Variants in ZBTB20 observed in about 807,000 individuals in gnomAD.
ZBTB20 encodes the protein zinc finger and BTB domain containing 20.
ZBTB20 carries 9 observed loss-of-function variants against 56.9 expected under a neutral mutation model. That is an observed-to-expected ratio of 0.16 (90% CI 0.10 to 0.28). The LOEUF is 0.28. Among genes scored for constraint, ZBTB20 ranks in the 10% least tolerant of loss-of-function variants. The pLI is 1.00. For synonymous variants in ZBTB20, 417 were observed against 420.7 expected, an observed-to-expected ratio of 0.99 and a Z score of 0.11; for missense variants, 655 against 1,003.0, an observed-to-expected ratio of 0.65 and a Z score of 4.69.
In ZBTB20 at chr3:114,929,158, G is replaced by A. The variant is rs72960304; in HGVS notation, c.-455-28816C>T. Among the ~76,000 whole-genome samples, 547 of 152,296 alleles carry A rather than the reference G, an allele frequency of 3.6e-3. 6 individuals are homozygous for A. Among genetic ancestry groups the A allele is most frequent in the African/African-American group, 0.013 (533 of 41,566 alleles). ...GTGCCTCAGGCCTTGCTCCCTGCAGGGCACTAAGCTATTTCGAATCACACT... is the reference window on the plus strand; with the variant it reads ...GTGCCTCAGGCCTTGCTCCCTGCAGAGCACTAAGCTATTTCGAATCACACT... On this transcript the variant is annotated intron_variant, in intron 3 of 11. Transcript: ENST00000675478.
intron 1 of ZBTB20, among the ~76,000 whole-genome samples, chr3:115,103,757 T>C (rs1218139717): frequency 2.0e-5 from 3 of 152,090 alleles, no homozygotes; most frequent in Non-Finnish European, 4.4e-5. Flanking sequence ...GACTCCTAAA[T>C]AGGAAAAAAT....
intron 5 of ZBTB20, among the ~76,000 whole-genome samples, chr3:114,762,107 T>C (rs902849529): frequency 6.6e-6 from 1 of 152,168 alleles, no homozygotes; most frequent in Admixed American, 6.5e-5. Flanking sequence ...ATAGTTGAAC[T>C]GGTTGTGTTT....
At chr3:114,838,088 T>C (rs555000480) in intron 4 of ZBTB20, among the ~76,000 whole-genome samples, 2 of 152,260 alleles carry the variant, frequency 1.3e-5, no homozygotes, top group South Asian at 4.2e-4. Context: ...AGTTTCTTCA[T>C]CTGTAAAATA....
chr3:114,546,218 T>C (rs767766949), intron 6 of ZBTB20, among the ~76,000 whole-genome samples: 2 of 152,206 alleles, frequency 1.3e-5, no homozygotes, highest in African/African-American at 2.4e-5. Flanking sequence ...TTGTGCTTTG[T>C]TGCCCATTTA....
At chr3:114,769,933 C>A (rs1205871342) in intron 5 of ZBTB20, among the ~76,000 whole-genome samples, 1 of 150,980 alleles carries the variant, frequency 6.6e-6, no homozygotes, top group South Asian at 2.1e-4. Context: ...GTGGTGTGCA[C>A]CCGTAATCCT....
At chr3:115,058,819 T>C (rs757430677) in intron 2 of ZBTB20, among the ~76,000 whole-genome samples, 8 of 152,338 alleles carry the variant, frequency 5.3e-5, no homozygotes, top group Non-Finnish European at 1.0e-4. Flanking sequence ...AACTGCTTCA[T>C]AGTGTCCCAT....
chr3:114,510,849 C>T (rs1485924200), intron 6 of ZBTB20, among the ~76,000 whole-genome samples: 1 of 152,042 alleles, frequency 6.6e-6, no homozygotes, highest in Non-Finnish European at 1.5e-5. Context: ...GGGTAAAAGA[C>T]CGAGAGCTCC....
chr3:114,388,802 G>A (rs995684927), intron 8 of ZBTB20: 2 of 152,298 alleles, frequency 1.3e-5, no homozygotes, highest in Non-Finnish European at 2.9e-5. Context: ...TGGCCAGGAG[G>A]GAATGATAAT....
chr3:115,033,651 G>A (rs1221698344), intron 2 of ZBTB20, among the ~76,000 whole-genome samples: 1 of 151,340 alleles, frequency 6.6e-6, no homozygotes, highest in Non-Finnish European at 1.5e-5. Context: ...AAGAAGATGT[G>A]GCATATATAC....
At chr3:114,881,685 T>C (rs1466387692) in intron 4 of ZBTB20, among the ~76,000 whole-genome samples, 5 of 152,020 alleles carry the variant, frequency 3.3e-5, no homozygotes, top group African/African-American at 1.2e-4. Context: ...TAAAATTACA[T>C]TTCTTGGTCT....
intron 7 of ZBTB20, among the ~76,000 whole-genome samples, chr3:114,484,935 T>C (rs531604626): frequency 6.6e-6 from 1 of 152,294 alleles, no homozygotes; most frequent in Admixed American, 6.5e-5. Flanking sequence ...CCCCATATAA[T>C]AATATAATAG....
chr3:114,351,236 T>C lies in ZBTB20; in HGVS notation c.842A>G (p.His281Arg), dbSNP rs1370199572. Residue 281 changes from histidine to arginine, a missense_variant, in exon 11 of 12, where the codon CAC (histidine) becomes CGC (arginine). His to Arg is a conservative substitution (Grantham distance 29, BLOSUM62 0). Coordinates refer to ENST00000675478, the MANE Select transcript of ZBTB20 (RefSeq NM_001348800.3). ...ETALGLPRDHHMEDPSWITRI... is the reference protein window; with the variant it reads ...ETALGLPRDHRMEDPSWITRI... Reference sequence around the variant, plus strand: ...TGTGATCCAGCTGGGGTCTTCCATGTGGTGGTCGCGGGGCAGGCCGAGCGC... The same window carrying C: ...TGTGATCCAGCTGGGGTCTTCCATGCGGTGGTCGCGGGGCAGGCCGAGCGC... The C allele has an allele frequency of 6.2e-7, 1 of 1,600,526 alleles. No homozygotes were observed. The highest frequency in any genetic ancestry group is 1.7e-5 in the Admixed American group (1 of 59,914).
intron 4 of ZBTB20, among the ~76,000 whole-genome samples, chr3:114,826,178 C>A (rs2073513950): frequency 6.6e-6 from 1 of 151,630 alleles, no homozygotes; most frequent in South Asian, 2.1e-4. Flanking sequence ...GAGATTAAAG[C>A]CAAGACTGAG....
intron 3 of ZBTB20, among the ~76,000 whole-genome samples, chr3:114,972,397 A>G (rs1484495682): frequency 6.6e-6 from 1 of 152,210 alleles, no homozygotes; most frequent in African/African-American, 2.4e-5. Flanking sequence ...TACCATTGGT[A>G]CCTGCATAGT....
At chr3:114,947,248 G>T (rs1429209463) in intron 3 of ZBTB20, among the ~76,000 whole-genome samples, 3 of 145,804 alleles carry the variant, frequency 2.1e-5, no homozygotes, top group Non-Finnish European at 4.4e-5. Context: ...AAAACAATAT[G>T]GAGATTTCTC....
Position 114,983,480 on chromosome 3 carries a change from A to C in ZBTB20, c.-506-9064T>G, listed in dbSNP as rs368552062. 2.6e-3 allele frequency among the ~76,000 whole-genome samples: 396 copies of C among 152,090 alleles called. 2 individuals carry two copies. The highest frequency in any genetic ancestry group is 9.3e-3 in the African/African-American group (386 of 41,514). ...AAGGCCGTTCTTGTCTTCATATTTC[A>C]TGGTCAAAGGTCAATGTTGAAAAAG... On this transcript the variant is annotated intron_variant, in intron 2 of 11. Transcript: ENST00000675478.
intron 6 of ZBTB20, among the ~76,000 whole-genome samples, chr3:114,586,969 A>G (rs988903623): frequency 6.7e-6 from 1 of 148,854 alleles, no homozygotes; most frequent in Non-Finnish European, 1.5e-5. Flanking sequence ...GAATTTATAC[A>G]TAACTCTAGG....
intron 2 of ZBTB20, among the ~76,000 whole-genome samples, chr3:114,979,600 G>A (rs1271139244): frequency 6.6e-6 from 1 of 151,888 alleles, no homozygotes; most frequent in Non-Finnish European, 1.5e-5. Context: ...AATAATTATA[G>A]CAAACAAGTC....
rs4682535 is a variant in ZBTB20, at chr3:114,318,835, G to C, written c.*20170C>G. ...TTTGGCAAGGCTAAGGCAGGGGGTA[G>C]GGGGAAGAGAAAAGGGGTTTCCCAT... is the stretch of plus-strand genomic sequence containing the variant. On this transcript the variant is annotated 3_prime_UTR_variant, in exon 12 of 12. Transcript: ENST00000675478. 68,736 of 152,014 alleles carry C rather than the reference G, an allele frequency of 0.45. 16,326 individuals carry two copies. Among genetic ancestry groups the C allele is most frequent in the East Asian group, 0.85 (4,372 of 5,172 alleles). 9.4% of individuals were successfully genotyped at this position (152,014 alleles called of 1,614,324 possible).
Sources: gnomAD v4.1 joint callset for allele counts (sites outside exome capture counted in the v4.1 genomes callset) on GRCh38, gnomAD v4.1.1 for gene constraint, MANE v1.5 for transcripts, NCBI Gene and HGNC (gene_info 2026-07-23, HGNC 2026-07-21) for gene names.